The following APP variants were observed in gnomAD, a reference collection of about 807,000 sequenced individuals.
The protein encoded by APP is amyloid beta precursor protein.
A neutral mutation model predicts 101.4 loss-of-function variants in APP; 31 were observed. The ratio of observed to expected loss-of-function variants is 0.31; its 90% CI spans 0.23 to 0.41. APP has a LOEUF of 0.41. APP is among the 10% of genes least tolerant of loss of function. APP has a pLI of 1.00. For missense variants in APP, 839 were observed against 1,003.7 expected (o/e 0.84, Z 2.22); for synonymous variants, 366 against 364.4 (o/e 1.00, Z -0.05).
intron 1 of APP, chr21:26,169,362 C>A (rs1418198632): frequency 6.6e-6 from 1 of 152,442 alleles, no homozygotes; most frequent in East Asian, 1.9e-4. Context: ...TCGGACCCTC[C>A]CCAGCATCCT....
chr21:25,903,897 A>C (rs1165324342), intron 15 of APP, among the ~76,000 whole-genome samples: 1 of 152,204 alleles, frequency 6.6e-6, no homozygotes, highest in African/African-American at 2.4e-5. Flanking sequence ...TAAAGGCATG[A>C]AGATGCCACA....
Position 26,004,873 on chromosome 21 carries a change from A to G in APP, c.866-4691T>C, listed in dbSNP as rs138456675. 3.2e-3 allele frequency among the ~76,000 whole-genome samples: 452 copies of G among 139,624 alleles called. 2 individuals carry two copies. Among genetic ancestry groups the G allele is most frequent in the African/African-American group, 0.012 (428 of 36,664 alleles). 91.6% of individuals were successfully genotyped at this position (139,624 alleles called of 152,430 possible). On this transcript the variant is annotated intron_variant, in intron 6 of 17. Coordinates refer to ENST00000346798, the MANE Select transcript of APP (RefSeq NM_000484.4). ...TGTGTCCAAGTGTTCTCATTGTTCA[A>G]TTTCCACCTATGAGTGAGAACATGC...
rs994657460 is a variant in APP, at chr21:25,898,005, T to C, written c.1964-332A>G. 8.2e-6 allele frequency: 3 copies of C among 363,988 alleles called. No homozygotes were observed. The Admixed American group carries it at 1.3e-4, about 16-fold the overall frequency. 22.5% of individuals were successfully genotyped at this position (363,988 alleles called of 1,614,324 possible). ...GGATTTGTTCCTGGAATATGTTGGC[T>C]TGGCTTACGGGCTTATTGTTTAGCC... On this transcript the variant is annotated intron_variant, in intron 15 of 17. Coordinates refer to ENST00000346798, the MANE Select transcript of APP (RefSeq NM_000484.4).
intron 3 of APP, among the ~76,000 whole-genome samples, chr21:26,088,272 TA>T (rs935275249): frequency 1.3e-5 from 2 of 152,206 alleles, no homozygotes; most frequent in Admixed American, 6.5e-5. Context: ...ATAACAATCT[TA>T]ATGTGGATTT....
At chr21:26,033,305 C>T (rs531978799) in intron 5 of APP, among the ~76,000 whole-genome samples, 5 of 152,242 alleles carry the variant, frequency 3.3e-5, no homozygotes, top group African/African-American at 1.2e-4. Flanking sequence ...AGGGGCTGTT[C>T]CCACTCTGCT....
At chr21:26,125,033 A>C (rs1027068782) in intron 1 of APP, among the ~76,000 whole-genome samples, 14 of 152,268 alleles carry the variant, frequency 9.2e-5, no homozygotes, top group African/African-American at 3.4e-4. Flanking sequence ...CTCTCAGGAA[A>C]GAGTGACTGG....
chr21:25,910,232 A>G (rs936266692), intron 14 of APP, among the ~76,000 whole-genome samples: 1 of 151,510 alleles, frequency 6.6e-6, no homozygotes, highest in Non-Finnish European at 1.5e-5. Flanking sequence ...GGTTCATGCC[A>G]TTCTCCTGCC....
In APP at chr21:26,131,383, T is replaced by C. The variant is rs1261217526; in HGVS notation, c.58-19237A>G. Among the ~76,000 whole-genome samples, 13 of 152,326 alleles carry C rather than the reference T, an allele frequency of 8.5e-5. 1 individual carries two copies. Among genetic ancestry groups the C allele is most frequent in the Admixed American group, 7.8e-4 (12 of 15,294 alleles). ...CCAGCGAAATGCAACCATTTTATTG[T>C]TCACAGTGATTCTATAAACGTTTTT... On this transcript the variant is annotated intron_variant, in intron 1 of 17. Coordinates refer to ENST00000346798, the MANE Select transcript of APP (RefSeq NM_000484.4).
chr21:25,916,124 T>C (rs1227006918), intron 13 of APP, among the ~76,000 whole-genome samples: 1 of 152,086 alleles, frequency 6.6e-6, no homozygotes, highest in Non-Finnish European at 1.5e-5. Context: ...CCTGCCTCAG[T>C]CCCGAGTACT....
At chr21:25,953,451 C>T (rs1237900923) in intron 13 of APP, among the ~76,000 whole-genome samples, 2 of 152,170 alleles carry the variant, frequency 1.3e-5, no homozygotes, top group Non-Finnish European at 2.9e-5. Context: ...GTTTCAGGCA[C>T]TTCAAAGTCG....
At chr21:26,012,760 G>A (rs112774991) in intron 6 of APP, among the ~76,000 whole-genome samples, 2,004 of 152,200 alleles carry the variant, frequency 0.013, 48 homozygotes, top group African/African-American at 0.045. Flanking sequence ...AATCACCTGA[G>A]GTCAGAAGTT....
intron 3 of APP, among the ~76,000 whole-genome samples, chr21:26,054,630 T>G (rs1415949053): frequency 1.4e-5 from 2 of 142,996 alleles, no homozygotes; most frequent in Admixed American, 1.4e-4. Context: ...GTTTTTTTTT[T>G]TTTTTTTTTT....
At chr21:25,884,411 G>A (rs2037189311) in intron 17 of APP, among the ~76,000 whole-genome samples, 1 of 152,160 alleles carries the variant, frequency 6.6e-6, no homozygotes, top group Non-Finnish European at 1.5e-5. Flanking sequence ...CTGTCCTTCT[G>A]GGAGCAAATC....
At chr21:26,092,091 G>C (rs2061837587) in intron 2 of APP, among the ~76,000 whole-genome samples, 1 of 152,180 alleles carries the variant, frequency 6.6e-6, no homozygotes, top group Non-Finnish European at 1.5e-5. Context: ...TGCATGGCTT[G>C]ATGTCAATTG....
chr21:25,966,195 G>C (rs916869314), intron 11 of APP, among the ~76,000 whole-genome samples: 1 of 152,178 alleles, frequency 6.6e-6, no homozygotes, highest in Non-Finnish European at 1.5e-5. Flanking sequence ...GGAAGTAATA[G>C]TACTGAGTGG....
intron 17 of APP, among the ~76,000 whole-genome samples, chr21:25,884,932 C>T (rs770368301): frequency 6.6e-4 from 101 of 152,246 alleles, no homozygotes; most frequent in Non-Finnish European, 6.6e-4. Context: ...CTTAAGAGTG[C>T]CCTGCTAGAG....
intron 1 of APP, among the ~76,000 whole-genome samples, chr21:26,136,114 G>A (rs1391468453): frequency 2.4e-5 from 3 of 126,870 alleles, no homozygotes; most frequent in Non-Finnish European, 4.8e-5. Flanking sequence ...CTGGGCAACA[G>A]AGTGAGACTC....
intron 17 of APP, among the ~76,000 whole-genome samples, chr21:25,882,903 G>C (rs1416619454): frequency 6.6e-6 from 1 of 152,068 alleles, no homozygotes; most frequent in African/African-American, 2.4e-5. Context: ...GTTGAGTGTT[G>C]CCAAGTGACA....
chr21:25,968,108 A>AGT (rs1216366239), intron 11 of APP, among the ~76,000 whole-genome samples: 3 of 152,148 alleles, frequency 2.0e-5, no homozygotes, highest in African/African-American at 7.2e-5. Context: ...CATGGGGAAA[A>AGT]CAACTATTTT....
Sources: gnomAD v4.1 joint callset for allele counts (sites outside exome capture counted in the v4.1 genomes callset) on GRCh38, gnomAD v4.1.1 for gene constraint, MANE v1.5 for transcripts, NCBI Gene and HGNC (gene_info 2026-07-23, HGNC 2026-07-21) for gene names.